The following WDR62 variants were observed in gnomAD, a reference collection of about 807,000 sequenced individuals.
WDR62 encodes the protein WD repeat domain 62, also known as WD repeat-containing protein 62.
WDR62 carries 112 observed loss-of-function variants against 160.6 expected under a neutral mutation model. That is an observed-to-expected ratio of 0.70 (90% confidence interval 0.60 to 0.82). The LOEUF is 0.82. Ranked by LOEUF, WDR62 falls within the 40% of genes least tolerant of loss-of-function variation. WDR62 has a pLI of 0.00. For missense variants in WDR62, 1,819 were observed against 1,983.8 expected, an observed-to-expected ratio of 0.92 and a Z score of 1.58; for synonymous variants, 792 against 815.1, an observed-to-expected ratio of 0.97 and a Z score of 0.48.
chr19:36,059,498 G>A (rs1466982712), intron 2 of WDR62, among the ~76,000 whole-genome samples: 1 of 152,128 alleles, frequency 6.6e-6, no homozygotes, highest in Non-Finnish European at 1.5e-5. Context: ...GAATGCAATA[G>A]TGTGAATAAC....
chr19:36,071,681 C>T lies in WDR62; in HGVS notation c.1008C>T (p.Tyr336=). ...TCGCCAACCTGCCCAAGCCACACTA[C>T]CTTGGGGTAGACGTGGCACAGGGCC... is the stretch of plus-strand genomic sequence containing the variant. ...HYLANLPKPH[Y]LGVDVAQGLE... The change falls in exon 8 of 32, where the codon TAC becomes TAT. Residue 336 remains tyrosine, a synonymous_variant. Coordinates refer to ENST00000401500, the MANE Select transcript of WDR62 (RefSeq NM_001083961.2). 6.2e-7 allele frequency: 1 copy of T among 1,614,208 alleles called. No individual in the cohort carries two copies. Among genetic ancestry groups the T allele is most frequent in the Non-Finnish European group, 8.5e-7 (1 of 1,180,040 alleles).
chr19:36,099,193 G>T (rs1020121867), intron 21 of WDR62, among the ~76,000 whole-genome samples: 12 of 129,616 alleles, frequency 9.3e-5, no homozygotes, highest in Non-Finnish European at 1.8e-4. Context: ...CTGCACTCCA[G>T]CCTGGGAGAC....
intron 8 of WDR62, 40 bp from the exon 9 acceptor site, chr19:36,073,302 T>G: frequency 6.8e-6 from 11 of 1,606,444 alleles, no homozygotes; most frequent in Non-Finnish European, 8.5e-6. Flanking sequence ...CACTACTCAG[T>G]GACATTGATG....
intron 1 of WDR62, among the ~76,000 whole-genome samples, chr19:36,056,958 C>T (rs751087610): frequency 6.6e-6 from 1 of 151,940 alleles, no homozygotes; most frequent in Non-Finnish European, 1.5e-5. Flanking sequence ...ACTGCAGGCG[C>T]ATGCCACCAT....
chr19:36,103,802 G>A lies in WDR62; in HGVS notation c.3974G>A (p.Ser1325Asn). ...CCTGGCGTCACCGTCCCTGCAGTGA[G>A]CTTCCCAGCCCCTAGCCCTGTGGAA... is the stretch of plus-strand genomic sequence containing the variant. ...TQPGVTVPAVSFPAPSPVEES... is the reference protein window; with the variant it reads ...TQPGVTVPAVNFPAPSPVEES... Residue 1325 changes from serine (S) to asparagine (N), a missense_variant, in exon 30 of 32, where the codon AGC (serine) becomes AAC (asparagine). This residue lies in a region of WDR62 where 770 missense variants were observed against 734.2 expected (regional missense o/e 1.05). Transcript: ENST00000401500. 5 of 1,608,900 alleles carry A rather than the reference G, an allele frequency of 3.1e-6. No homozygotes were observed. Among genetic ancestry groups the A allele is most frequent in the East Asian group, 2.2e-5 (1 of 44,862 alleles).
chr19:36,075,789 T>C (rs1163057243), intron 9 of WDR62, among the ~76,000 whole-genome samples: 1 of 152,218 alleles, frequency 6.6e-6, no homozygotes, highest in Non-Finnish European at 1.5e-5. Context: ...CTTTTATTTA[T>C]TGAGGGTTGC....
intron 15 of WDR62, 128 bp downstream of exon 15, chr19:36,089,434 C>T (rs767551661): frequency 3.5e-5 from 53 of 1,509,678 alleles, no homozygotes; most frequent in Non-Finnish European, 4.5e-5. Context: ...GGTGTTCCTT[C>T]TTGGTTTTTT....
intron 23 of WDR62, 90 bp from the exon 24 acceptor site, chr19:36,101,124 G>C: frequency 7.7e-7 from 1 of 1,294,062 alleles, no homozygotes; most frequent in South Asian, 1.3e-5. Context: ...AGGAGCAGCG[G>C]GTACAGGTGC....
At chr19:36,065,702 C>G (rs1429824820) in intron 3 of WDR62, among the ~76,000 whole-genome samples, 1 of 152,190 alleles carries the variant, frequency 6.6e-6, no homozygotes, top group South Asian at 2.1e-4. Context: ...AAGCAGGGTC[C>G]GCATACAGTG....
downstream of WDR62, among the ~76,000 whole-genome samples, chr19:36,106,431 C>G (rs1033015963): frequency 9.9e-5 from 15 of 151,674 alleles, no homozygotes; most frequent in Admixed American, 9.9e-4. Flanking sequence ...GAAGGAACAT[C>G]AGGCAACGCA....
Position 36,066,905 on chromosome 19 carries a change from C to T in WDR62, c.562-401C>T, listed in dbSNP as rs1970971854. ...GGGGAGAAGCGCCTCCCTCGTGGGGCTTTTGAGGGATTGAGGAAATTTCAT... is the reference window on the plus strand; with the variant it reads ...GGGGAGAAGCGCCTCCCTCGTGGGGTTTTTGAGGGATTGAGGAAATTTCAT... On this transcript the variant is annotated intron_variant, in intron 5 of 31. Transcript: ENST00000401500. 2.6e-5 allele frequency among the ~76,000 whole-genome samples: 4 copies of T among 152,226 alleles called. No homozygotes were observed. In the East Asian group the frequency reaches 7.7e-4, roughly 29 times the overall value.
Position 36,067,339 on chromosome 19 carries a change from TGTA to T in WDR62, c.597_599del (p.Cys199_Arg200delinsTer). The T allele has an allele frequency of 6.2e-7, 1 of 1,614,230 alleles. No individual in the cohort carries two copies. The highest frequency in any genetic ancestry group is 8.5e-7 in the Non-Finnish European group (1 of 1,180,042). Reference sequence around the variant, plus strand: ...CGTAGTGGCCTCCAACAAGGTATCTTGTAGAGTCATTGCCCTCTCCTTCTCAGA... The same window carrying T: ...CGTAGTGGCCTCCAACAAGGTATCTTGAGTCATTGCCCTCTCCTTCTCAGA... On this transcript the variant is annotated stop_gained and inframe_deletion, in exon 6 of 32. Coordinates refer to ENST00000401500, the MANE Select transcript of WDR62 (RefSeq NM_001083961.2). LOFTEE classifies it high-confidence loss of function.
chr19:36,107,607 C>T (rs753243514), downstream of WDR62, among the ~76,000 whole-genome samples: 52 of 151,928 alleles, frequency 3.4e-4, no homozygotes, highest in Non-Finnish European at 5.7e-4. Flanking sequence ...GGAGACTCAT[C>T]TGGGGTCAGA....
chr19:36,086,309 A>C (rs1245351155), intron 12 of WDR62, among the ~76,000 whole-genome samples: 1 of 152,126 alleles, frequency 6.6e-6, no homozygotes, highest in East Asian at 1.9e-4. Context: ...GCCAGACCTC[A>C]GAGGGTGAGA....
chr19:36,110,356 A>C, the WDR62 span, among the ~76,000 whole-genome samples: 3 of 152,100 alleles, frequency 2.0e-5, no homozygotes, highest in African/African-American at 7.2e-5. Flanking sequence ...CTGTAGTCCC[A>C]GCTACTCAGG....
At chr19:36,059,697 A>G (rs1970545953) in intron 2 of WDR62, among the ~76,000 whole-genome samples, 1 of 152,076 alleles carries the variant, frequency 6.6e-6, no homozygotes, top group Non-Finnish European at 1.5e-5. Context: ...CATACTCCCA[A>G]AGTGCTGGGA....
rs986821532 is a variant in WDR62 at position 36,074,009 on chromosome 19, G to A, written c.1233+478G>A. On this transcript the variant is annotated intron_variant, in intron 9 of 31. Transcript: ENST00000401500. ...GTATTTCACTGCTTTTTTTAAAAAG[G>A]AGTTGAAGACGGGGCATGGTGGCTC... 59 of 327,752 alleles carry A rather than the reference G, an allele frequency of 1.8e-4. 1 individual carries two copies. The highest frequency in any genetic ancestry group is 2.6e-4 in the Non-Finnish European group (43 of 164,942). The allele number at this position is 327,752 out of a possible 1,614,324, so 20.3% of individuals were successfully genotyped here.
At chr19:36,055,508 G>A (rs1599737302) in intron 1 of WDR62, among the ~76,000 whole-genome samples, 1 of 152,132 alleles carries the variant, frequency 6.6e-6, no homozygotes, top group Admixed American at 6.5e-5. Flanking sequence ...CCTGGCCCCC[G>A]CTGAGTCATT....
chr19:36,087,468 G>A (rs542466339), intron 13 of WDR62, among the ~76,000 whole-genome samples: 1 of 149,698 alleles, frequency 6.7e-6, no homozygotes, highest in East Asian at 2.0e-4. Flanking sequence ...GATTGCGCCA[G>A]TGACTCCACT....
Sources: allele counts gnomAD v4.1 joint callset (sites outside exome capture counted in the v4.1 genomes callset), GRCh38; gene constraint gnomAD v4.1.1; regional missense constraint gnomAD v4.1.1; transcripts MANE v1.5; gene names NCBI Gene and HGNC (gene_info 2026-07-23, HGNC 2026-07-21).